COG5: variants seen among roughly 807,000 people sequenced by gnomAD.
COG5 encodes the protein conserved oligomeric Golgi complex subunit 5.
Under a neutral mutation model 110.4 loss-of-function variants are expected in COG5, and 86 were observed. That is an observed-to-expected ratio of 0.78 (90% confidence interval 0.65 to 0.93). The LOEUF (loss-of-function observed/expected upper bound fraction) is 0.93, where lower values mean the gene tolerates loss of function less well. Among genes scored for constraint, COG5 ranks in the 40% least tolerant of loss-of-function variants. The probability of loss-of-function intolerance (pLI) is 0.00; values close to 1 mark genes in which losing one functional copy is unlikely to be tolerated. For missense variants in COG5, 1,077 were observed against 987.0 expected, an observed-to-expected ratio of 1.09 and a Z score of -1.22; for synonymous variants, 360 against 334.6, an observed-to-expected ratio of 1.08 and a Z score of -0.83.
intron 5 of COG5, among the ~76,000 whole-genome samples, chr7:107,535,342 T>A (rs543311862): frequency 1.1e-4 from 17 of 151,204 alleles, no homozygotes; most frequent in Non-Finnish European, 2.5e-4. Flanking sequence ...GATAGAGACA[T>A]GAAAAACCCT....
intron 6 of COG5, among the ~76,000 whole-genome samples, chr7:107,526,663 TAAAC>T (rs1181970981): frequency 6.6e-6 from 1 of 152,084 alleles, no homozygotes; most frequent in East Asian, 1.9e-4. Flanking sequence ...AGTGAATCAA[TAAAC>T]AAACTGCAGG....
intron 6 of COG5, among the ~76,000 whole-genome samples, chr7:107,496,254 A>G (rs1333529206): frequency 6.6e-6 from 1 of 152,208 alleles, no homozygotes; most frequent in Non-Finnish European, 1.5e-5. Context: ...CAGATGAAAA[A>G]AATCCTCAAC....
chr7:107,283,731 G>A lies in COG5; in HGVS notation c.1315C>T (p.Pro439Ser). ...AGTGAGTCTTTCAAAGCCTTTTCTG[G>A]ACTGTGGAAACAAAATTTTTTAAAA... is the stretch of plus-strand genomic sequence containing the variant. ...IFIPKKPDYD[P>S]EKALKDSLQP... The change falls in exon 13 of 22, where the codon CCA becomes TCA. Residue 439 changes from proline to serine, a missense_variant and splice_region_variant. Pro to Ser is a moderately conservative substitution (Grantham distance 74). Transcript: ENST00000297135. 6.2e-7 allele frequency: 1 copy of A among 1,613,632 alleles called. No homozygotes were observed. The highest frequency in any genetic ancestry group is 8.5e-7 in the Non-Finnish European group (1 of 1,179,660).
chr7:107,425,204 T>C (rs1215521828), intron 6 of COG5, among the ~76,000 whole-genome samples: 1 of 152,018 alleles, frequency 6.6e-6, no homozygotes, highest in Non-Finnish European at 1.5e-5. Context: ...TTAGACGCAA[T>C]ACTAAAAGAA....
chr7:107,370,993 T>A (rs1258324205), intron 8 of COG5, among the ~76,000 whole-genome samples: 1 of 152,016 alleles, frequency 6.6e-6, no homozygotes, highest in Non-Finnish European at 1.5e-5. Flanking sequence ...ATAACTGCTT[T>A]CATTTTTTTC....
intron 17 of COG5, among the ~76,000 whole-genome samples, chr7:107,239,211 T>C (rs765183936): frequency 1.6e-4 from 24 of 152,222 alleles, no homozygotes; most frequent in Non-Finnish European, 4.4e-5. Context: ...ATATTTATTA[T>C]TGAAGGAACT....
chr7:107,546,387 G>C (rs1802447096), intron 5 of COG5, among the ~76,000 whole-genome samples: 1 of 149,382 alleles, frequency 6.7e-6, no homozygotes, highest in African/African-American at 2.4e-5. Context: ...ATACAGACTA[G>C]GAAAACAATA....
intron 7 of COG5, among the ~76,000 whole-genome samples, chr7:107,376,806 T>C (rs537275233): frequency 2.0e-5 from 3 of 152,104 alleles, no homozygotes; most frequent in Admixed American, 6.5e-5. Flanking sequence ...TTAAAGATAC[T>C]GGCTTGCTAA....
At chr7:107,203,886 C>T (rs567947457) in intron 21 of COG5, among the ~76,000 whole-genome samples, 18 of 152,244 alleles carry the variant, frequency 1.2e-4, no homozygotes, top group Admixed American at 3.9e-4. Context: ...GTCATATACT[C>T]GGAGTCCTCT....
intron 7 of COG5, among the ~76,000 whole-genome samples, chr7:107,398,788 T>C (rs1232790154): frequency 6.6e-6 from 1 of 152,200 alleles, no homozygotes; most frequent in African/African-American, 2.4e-5. Flanking sequence ...TCAAAATTAG[T>C]AATTGCCTGG....
intron 5 of COG5, among the ~76,000 whole-genome samples, chr7:107,530,705 G>A (rs1322609498): frequency 6.6e-6 from 1 of 151,636 alleles, no homozygotes; most frequent in Non-Finnish European, 1.5e-5. Context: ...AATCTTCTGG[G>A]AATACCATTT....
chr7:107,289,605 C>T (rs1168422529), intron 12 of COG5, among the ~76,000 whole-genome samples: 1 of 152,194 alleles, frequency 6.6e-6, no homozygotes, highest in Admixed American at 6.5e-5. Flanking sequence ...GCATTACCAT[C>T]TTAACAAGGT....
chr7:107,428,986 AT>A (rs1324126527), intron 6 of COG5, among the ~76,000 whole-genome samples: 2 of 152,238 alleles, frequency 1.3e-5, no homozygotes, highest in Non-Finnish European at 2.9e-5. Flanking sequence ...CAGGCATCAG[AT>A]ATTTTGCTAA....
intron 11 of COG5, among the ~76,000 whole-genome samples, chr7:107,318,141 C>T (rs1808924440): frequency 6.6e-6 from 1 of 152,098 alleles, no homozygotes; most frequent in African/African-American, 2.4e-5. Flanking sequence ...GATTCCCCTG[C>T]CTCAGCCTCC....
At position 107,256,926 on chromosome 7, in the gene COG5, C is replaced by A. The variant is rs1329220129; in HGVS notation, c.1687-132G>T. 1.2e-5 allele frequency: 8 copies of A among 663,036 alleles called. No individual in the cohort carries two copies. In the African/African-American group the frequency reaches 1.3e-4, roughly 11 times the overall value. The allele number at this position is 663,036 out of a possible 1,614,324, so 41.1% of individuals were successfully genotyped here. On this transcript the variant is annotated intron_variant, in intron 15 of 21. Coordinates refer to ENST00000297135, the MANE Select transcript of COG5 (RefSeq NM_006348.5). ...TATTATCATTGCTTTACAGTAATAT[C>A]TTATACATGATTTTAAAAATCAGTA... is the stretch of plus-strand genomic sequence containing the variant.
intron 6 of COG5, among the ~76,000 whole-genome samples, chr7:107,466,267 A>C (rs28687365): frequency 0.27 from 41,390 of 152,088 alleles, 5,728 homozygotes; most frequent in East Asian, 0.33. Flanking sequence ...ACATGCCAAC[A>C]GTTGTGCAAC....
intron 7 of COG5, among the ~76,000 whole-genome samples, chr7:107,382,961 G>C (rs1815255476): frequency 6.6e-6 from 1 of 152,120 alleles, no homozygotes; most frequent in Non-Finnish European, 1.5e-5. Context: ...AAGAGGGATG[G>C]GTAATGTAAA....
At chr7:107,240,641 ATTG>A (rs554649417) in intron 17 of COG5, among the ~76,000 whole-genome samples, 213 of 152,248 alleles carry the variant, frequency 1.4e-3, no homozygotes, top group African/African-American at 4.6e-3. Flanking sequence ...GGTTTTCACT[ATTG>A]TTTTTCTAAT....
intron 6 of COG5, among the ~76,000 whole-genome samples, chr7:107,412,998 G>T (rs955147498): frequency 1.3e-5 from 2 of 151,846 alleles, no homozygotes; most frequent in African/African-American, 2.4e-5. Flanking sequence ...TTTTTTTGCT[G>T]CTGCTGTTGT....
Sources: gnomAD v4.1 joint callset for allele counts (sites outside exome capture counted in the v4.1 genomes callset) on GRCh38, gnomAD v4.1.1 for gene constraint, MANE v1.5 for transcripts, NCBI Gene and HGNC (gene_info 2026-07-23, HGNC 2026-07-21) for gene names.